The following ETV6 variants were observed in gnomAD, a reference collection of about 807,000 sequenced individuals.
ETV6 encodes ETS variant transcription factor 6, also known as transcription factor ETV6.
A neutral mutation model predicts 51.1 loss-of-function variants in ETV6; 16 were observed. The observed-to-expected ratio is 0.31, with a 90% CI of 0.21 to 0.48. The LOEUF (loss-of-function observed/expected upper bound fraction) is 0.48. Ranked by LOEUF, ETV6 falls within the 20% of genes least tolerant of loss-of-function variation. ETV6 has a pLI of 0.99. For synonymous variants in ETV6, 240 were observed against 224.1 expected, an observed-to-expected ratio of 1.07 and a Z score of -0.64; for missense variants, 458 against 594.8, an observed-to-expected ratio of 0.77 and a Z score of 2.39.
chr12:11,734,529 GAAA>G (rs369367648), intron 1 of ETV6, among the ~76,000 whole-genome samples: 4 of 126,350 alleles, frequency 3.2e-5, no homozygotes, highest in Non-Finnish European at 5.2e-5. Flanking sequence ...AAAAAAAAAA[GAAA>G]AAAAAAAAAA....
chr12:11,718,802 C>A (rs528388850), intron 1 of ETV6, among the ~76,000 whole-genome samples: 1 of 152,006 alleles, frequency 6.6e-6, no homozygotes, highest in Admixed American at 6.6e-5. Context: ...CGCACACTCA[C>A]GAAGCCAGCC....
intron 2 of ETV6, among the ~76,000 whole-genome samples, chr12:11,823,980 C>T (rs780973810): frequency 1.3e-5 from 2 of 152,164 alleles, no homozygotes; most frequent in Non-Finnish European, 2.9e-5. Context: ...GGGCCAGAGA[C>T]CCCTTAGATT....
chr12:11,724,571 A>G (rs1447883196), intron 1 of ETV6, among the ~76,000 whole-genome samples: 1 of 152,110 alleles, frequency 6.6e-6, no homozygotes, highest in East Asian at 1.9e-4. Flanking sequence ...GTAGGATACA[A>G]AGACAAGTAA....
intron 2 of ETV6, among the ~76,000 whole-genome samples, chr12:11,833,157 C>A (rs565343499): frequency 1.3e-5 from 2 of 152,276 alleles, no homozygotes; most frequent in South Asian, 4.1e-4. Context: ...GTGATTATAA[C>A]AATAACAGTA....
At position 11,791,915 on chromosome 12, in the gene ETV6, G is replaced by A. The variant is rs116434726; in HGVS notation, c.163+39336G>A. 5.9e-3 allele frequency among the ~76,000 whole-genome samples: 902 copies of A among 152,240 alleles called. 15 individuals are homozygous for A. The highest frequency in any genetic ancestry group is 0.021 in the African/African-American group (857 of 41,528). ...GGGCCTACTAATCTTCAGGGTGGGT[G>A]CAGTAGCAAAACAGAGCTTCCATTT... On this transcript the variant is annotated intron_variant, in intron 2 of 7. Coordinates refer to ENST00000396373, the MANE Select transcript of ETV6 (RefSeq NM_001987.5).
At chr12:11,780,462 A>G (rs1945397212) in intron 2 of ETV6, among the ~76,000 whole-genome samples, 1 of 152,116 alleles carries the variant, frequency 6.6e-6, no homozygotes, top group African/African-American at 2.4e-5. Context: ...ATCACAGAGA[A>G]AAAAAAAGCT....
intron 1 of ETV6, among the ~76,000 whole-genome samples, chr12:11,654,250 T>C (rs729697): frequency 0.29 from 43,817 of 152,158 alleles, 7,814 homozygotes; most frequent in East Asian, 0.43. Context: ...GGCTTCTAAG[T>C]GCCCCCCAGT....
chr12:11,887,002 C>A lies in ETV6; in HGVS notation c.1253+976C>A, dbSNP rs780446839. On this transcript the variant is annotated intron_variant, in intron 7 of 7. Transcript: ENST00000396373. Reference sequence around the variant, plus strand: ...GATACCATGTATGAACAGATGAGCTCACTGATATGATTAATTTATTGGAAA... The same window carrying A: ...GATACCATGTATGAACAGATGAGCTAACTGATATGATTAATTTATTGGAAA... 2.6e-5 allele frequency among the ~76,000 whole-genome samples: 4 copies of A among 152,070 alleles called. No homozygotes were observed. The South Asian group carries it at 8.3e-4, about 32-fold the overall frequency.
intron 1 of ETV6, among the ~76,000 whole-genome samples, chr12:11,671,145 A>G (rs1208555043): frequency 6.6e-6 from 1 of 152,128 alleles, no homozygotes; most frequent in Non-Finnish European, 1.5e-5. Flanking sequence ...GGGAAGAGAG[A>G]AGGAAATTAG....
At chr12:11,817,152 C>T (rs1292758622) in intron 2 of ETV6, among the ~76,000 whole-genome samples, 1 of 152,214 alleles carries the variant, frequency 6.6e-6, no homozygotes, top group East Asian at 1.9e-4. Context: ...ACCATGTCTG[C>T]ATTTTCTCAT....
intron 1 of ETV6, among the ~76,000 whole-genome samples, chr12:11,654,506 G>A (rs568467156): frequency 2.0e-5 from 3 of 152,224 alleles, no homozygotes; most frequent in East Asian, 1.9e-4. Context: ...AATAGGCTTC[G>A]CTCTCTCTGG....
chr12:11,846,442 C>A (rs1480694958), intron 3 of ETV6, among the ~76,000 whole-genome samples: 1 of 152,200 alleles, frequency 6.6e-6, no homozygotes. Flanking sequence ...AGTTGCAAAA[C>A]CCCCTGGGAG....
intron 1 of ETV6, among the ~76,000 whole-genome samples, chr12:11,698,059 T>A (rs1864911078): frequency 6.6e-6 from 1 of 152,240 alleles, no homozygotes; most frequent in Non-Finnish European, 1.5e-5. Context: ...CATAGAAAAC[T>A]ATTACTCTTT....
At chr12:11,827,558 C>A (rs190506276) in intron 2 of ETV6, among the ~76,000 whole-genome samples, 2 of 152,254 alleles carry the variant, frequency 1.3e-5, no homozygotes, top group East Asian at 3.9e-4. Flanking sequence ...TGCCCCCACA[C>A]CTCCTGTCCA....
chr12:11,809,177 A>T (rs1945874124), intron 2 of ETV6, among the ~76,000 whole-genome samples: 1 of 151,200 alleles, frequency 6.6e-6, no homozygotes, highest in African/African-American at 2.4e-5. Context: ...AAAAAAAAAA[A>T]GATAGGAAGT....
Position 11,886,621 on chromosome 12 carries a change from A to G in ETV6, c.1253+595A>G, listed in dbSNP as rs570508042. Among the ~76,000 whole-genome samples, 7 of 152,330 alleles carry G rather than the reference A, an allele frequency of 4.6e-5. No homozygotes were observed. The South Asian group carries it at 1.4e-3, about 32-fold the overall frequency. On this transcript the variant is annotated intron_variant, in intron 7 of 7. Coordinates refer to ENST00000396373, the MANE Select transcript of ETV6 (RefSeq NM_001987.5). ...ATGTAAAATGTATTTCTTATAATGC[A>G]TCGTAGTCAGAATAAGTCTACAAGC...
At chr12:11,685,605 C>T (rs79275404) in intron 1 of ETV6, among the ~76,000 whole-genome samples, 2,841 of 151,942 alleles carry the variant, frequency 0.019, 68 homozygotes, top group African/African-American at 0.064. Context: ...TACACACACA[C>T]GTGTGTGTGT....
At chr12:11,787,791 G>A (rs1945510950) in intron 2 of ETV6, among the ~76,000 whole-genome samples, 1 of 152,144 alleles carries the variant, frequency 6.6e-6, no homozygotes, top group African/African-American at 2.4e-5. Flanking sequence ...AAAATATTGT[G>A]TAGAATATTA....
At chr12:11,855,409 TGATCCTCCTGCTC>T (rs1337198080) in intron 4 of ETV6, among the ~76,000 whole-genome samples, 1 of 152,224 alleles carries the variant, frequency 6.6e-6, no homozygotes. Context: ...CTGAGGGTCA[TGATCCTCCTGCTC>T]GGATTGGTCA....
Sources: allele counts gnomAD v4.1 joint callset (sites outside exome capture counted in the v4.1 genomes callset), GRCh38; gene constraint gnomAD v4.1.1; transcripts MANE v1.5; gene names NCBI Gene and HGNC (gene_info 2026-07-23, HGNC 2026-07-21).